MACROD2: variants seen among roughly 807,000 people sequenced by gnomAD.
The protein encoded by MACROD2 is mono-ADP ribosylhydrolase 2, also known as ADP-ribose glycohydrolase MACROD2.
MACROD2 carries 36 observed loss-of-function variants against 70.4 expected under a neutral mutation model. The ratio of observed to expected loss-of-function variants is 0.51; its 90% CI spans 0.39 to 0.68. The LOEUF is 0.68. Ranked by LOEUF, MACROD2 falls within the 30% of genes least tolerant of loss-of-function variation. The probability of loss-of-function intolerance (pLI) is 0.00; values close to 1 mark genes in which losing one functional copy is unlikely to be tolerated. For synonymous variants in MACROD2, 172 were observed against 178.8 expected (o/e 0.96, Z 0.30); for missense variants, 496 against 538.4 (o/e 0.92, Z 0.78).
At chr20:15,479,777 C>A (rs1568837540) in intron 7 of MACROD2, among the ~76,000 whole-genome samples, 1 of 152,174 alleles carries the variant, frequency 6.6e-6, no homozygotes, top group Non-Finnish European at 1.5e-5. Flanking sequence ...TTATTTTTCA[C>A]ACCAGCTGCT....
intron 3 of MACROD2, among the ~76,000 whole-genome samples, chr20:14,303,972 A>G (rs2082498088): frequency 6.6e-6 from 1 of 152,204 alleles, no homozygotes; most frequent in African/African-American, 2.4e-5. Context: ...TCTTAGCTCT[A>G]CAAGTCTAGT....
chr20:15,993,061 AT>A (rs145763522), intron 15 of MACROD2, among the ~76,000 whole-genome samples: 35,104 of 152,110 alleles, frequency 0.23, 4,158 homozygotes, highest in South Asian at 0.32. Context: ...TGTTCCTTAT[AT>A]TTAACTTCCT....
At chr20:15,941,555 A>G (rs2065751359) in intron 12 of MACROD2, among the ~76,000 whole-genome samples, 1 of 152,216 alleles carries the variant, frequency 6.6e-6, no homozygotes, top group African/African-American at 2.4e-5. Context: ...AAAGGCAGTC[A>G]TATGCGTGGA....
chr20:15,200,397 G>A (rs1050964683), intron 5 of MACROD2, among the ~76,000 whole-genome samples: 2 of 152,176 alleles, frequency 1.3e-5, no homozygotes, highest in African/African-American at 2.4e-5. Context: ...TTTTGGTGGG[G>A]TAAAGGTGAG....
At chr20:15,294,930 C>T (rs542190768) in intron 6 of MACROD2, among the ~76,000 whole-genome samples, 5 of 152,332 alleles carry the variant, frequency 3.3e-5, no homozygotes, top group South Asian at 2.1e-4. Flanking sequence ...TTCTAGACAT[C>T]GGATTGCTTA....
chr20:15,604,470 G>A (rs1007892421), intron 8 of MACROD2, among the ~76,000 whole-genome samples: 24 of 152,248 alleles, frequency 1.6e-4, no homozygotes, highest in African/African-American at 5.8e-4. Context: ...TCTACAGCAG[G>A]GCCAGATTTG....
At chr20:14,264,844 T>A (rs1196270487) in intron 3 of MACROD2, among the ~76,000 whole-genome samples, 2 of 152,200 alleles carry the variant, frequency 1.3e-5, no homozygotes, top group African/African-American at 2.4e-5. Flanking sequence ...CCAGTAGAGC[T>A]GTAGGAAGAA....
intron 6 of MACROD2, among the ~76,000 whole-genome samples, chr20:15,337,141 T>C (rs995789970): frequency 2.6e-5 from 4 of 151,822 alleles, no homozygotes; most frequent in Non-Finnish European, 4.4e-5. Flanking sequence ...ATTTGGAAGA[T>C]TCATCAATGG....
At chr20:15,722,550 A>C (rs981897250) in intron 8 of MACROD2, among the ~76,000 whole-genome samples, 9 of 152,078 alleles carry the variant, frequency 5.9e-5, no homozygotes, top group Admixed American at 2.0e-4. Context: ...CAGGTCTTTG[A>C]TCCATTTTCC....
At chr20:15,679,850 C>G (rs1467870440) in intron 8 of MACROD2, among the ~76,000 whole-genome samples, 1 of 152,222 alleles carries the variant, frequency 6.6e-6, no homozygotes, top group African/African-American at 2.4e-5. Flanking sequence ...TGCTGTGCAT[C>G]ATCTGAATTC....
intron 5 of MACROD2, among the ~76,000 whole-genome samples, chr20:14,822,658 ACTAT>A (rs2072859774): frequency 1.3e-5 from 2 of 152,108 alleles, no homozygotes; most frequent in African/African-American, 4.8e-5. Flanking sequence ...TCACCATGAA[ACTAT>A]CTGAGTTTGA....
At chr20:15,963,260 T>C (rs189879994) in intron 12 of MACROD2, among the ~76,000 whole-genome samples, 1 of 152,260 alleles carries the variant, frequency 6.6e-6, no homozygotes, top group Admixed American at 6.5e-5. Flanking sequence ...TATGTGTAGG[T>C]TTTTGTGTAT....
rs559732712 is a variant in MACROD2, at chr20:15,813,020, A to G, written c.646-49725A>G. Among the ~76,000 whole-genome samples, 20 of 152,288 alleles carry G rather than the reference A, an allele frequency of 1.3e-4. No homozygotes were observed. The South Asian group carries it at 3.7e-3, about 28-fold the overall frequency. On this transcript the variant is annotated intron_variant, in intron 8 of 17. Transcript: ENST00000684519. ...CAGAAATATCTCAAAGACTTCTTTT[A>G]TAGGGCTGATTCCCCCCTTATTATG...
intron 5 of MACROD2, among the ~76,000 whole-genome samples, chr20:15,108,703 T>A (rs1293896070): frequency 6.6e-6 from 1 of 152,168 alleles, no homozygotes; most frequent in Non-Finnish European, 1.5e-5. Flanking sequence ...AACCAGAGAA[T>A]TTTTTTGAAG....
chr20:14,778,563 G>A (rs370110779), intron 5 of MACROD2, among the ~76,000 whole-genome samples: 2 of 152,106 alleles, frequency 1.3e-5, no homozygotes, highest in African/African-American at 2.4e-5. Context: ...CTCAGCCAGC[G>A]GGGCAATGTG....
intron 7 of MACROD2, among the ~76,000 whole-genome samples, chr20:15,494,740 T>G (rs1453493620): frequency 2.5e-5 from 2 of 78,972 alleles, no homozygotes; most frequent in East Asian, 7.9e-4. Flanking sequence ...TAATGGGGTG[T>G]GTGTGTGTGT....
At chr20:15,141,989 G>A (rs992113505) in intron 5 of MACROD2, among the ~76,000 whole-genome samples, 10 of 152,118 alleles carry the variant, frequency 6.6e-5, no homozygotes, top group Non-Finnish European at 1.3e-4. Context: ...GAAATGCAGC[G>A]TTCTACCAAG....
At chr20:15,602,492 G>C (rs1348160696) in intron 8 of MACROD2, among the ~76,000 whole-genome samples, 1 of 152,138 alleles carries the variant, frequency 6.6e-6, no homozygotes, top group Non-Finnish European at 1.5e-5. Context: ...TTCAGAGTCT[G>C]CCTTCTGGAG....
At chr20:14,869,896 C>T (rs1274546467) in intron 5 of MACROD2, among the ~76,000 whole-genome samples, 1 of 152,118 alleles carries the variant, frequency 6.6e-6, no homozygotes, top group Non-Finnish European at 1.5e-5. Context: ...GGGAAGACGG[C>T]AGTAACTGCA....
Sources: allele counts gnomAD v4.1 joint callset (sites outside exome capture counted in the v4.1 genomes callset), GRCh38; gene constraint gnomAD v4.1.1; transcripts MANE v1.5; gene names NCBI Gene and HGNC (gene_info 2026-07-23, HGNC 2026-07-21).